Variants in FRMD6 observed in about 807,000 individuals in gnomAD.
FRMD6 encodes FERM domain-containing protein 6.
In FRMD6, 37 loss-of-function variants were observed where a neutral mutation model predicts 73.2. That is an observed-to-expected ratio of 0.51 (90% confidence interval 0.39 to 0.66). The LOEUF (loss-of-function observed/expected upper bound fraction) is 0.66. Among genes scored for constraint, FRMD6 ranks in the 30% least tolerant of loss-of-function variants. FRMD6 has a pLI of 0.00. For missense variants in FRMD6, 714 were observed against 780.5 expected, an observed-to-expected ratio of 0.91 and a Z score of 1.02; for synonymous variants, 273 against 282.2, an observed-to-expected ratio of 0.97 and a Z score of 0.33.
rs536112757 is a variant in FRMD6 at position 51,616,589 on chromosome 14, G to C, written c.-147+46179G>C. Among the ~76,000 whole-genome samples the C allele has an allele frequency of 2.0e-5, 3 of 152,270 alleles. No homozygotes were observed. In the East Asian group the frequency reaches 5.8e-4, roughly 29 times the overall value. ...CAGCAGTGTTATGCTGGTGAAGGAA[G>C]CTGGTTTTGGGGCTGATCCTAAGGT... On this transcript the variant is annotated intron_variant, in intron 2 of 14. Transcript: ENST00000356218.
At chr14:51,581,207 C>T (rs1888704344) in intron 2 of FRMD6, among the ~76,000 whole-genome samples, 1 of 152,148 alleles carries the variant, frequency 6.6e-6, no homozygotes, top group African/African-American at 2.4e-5. Flanking sequence ...ACTTCCCACA[C>T]TGTACAAATG....
the FRMD6 span, among the ~76,000 whole-genome samples, chr14:51,475,890 C>T: frequency 1.3e-5 from 2 of 152,030 alleles, no homozygotes; most frequent in Admixed American, 6.6e-5. Context: ...ACGTAATTGT[C>T]GATGGAATGG....
At chr14:51,449,204 C>T in the FRMD6 span, among the ~76,000 whole-genome samples, 1 of 152,110 alleles carries the variant, frequency 6.6e-6, no homozygotes, top group Non-Finnish European at 1.5e-5. Context: ...GAGGGAGTTT[C>T]CTGGAGTGTT....
intron 2 of FRMD6, among the ~76,000 whole-genome samples, chr14:51,595,222 T>C (rs555943843): frequency 6.6e-6 from 1 of 152,286 alleles, no homozygotes; most frequent in East Asian, 1.9e-4. Context: ...TAACTCTGAG[T>C]GCCTGGAATT....
chr14:51,595,903 A>G (rs1889688754), intron 2 of FRMD6, among the ~76,000 whole-genome samples: 3 of 152,294 alleles, frequency 2.0e-5, no homozygotes, highest in Admixed American at 1.3e-4. Flanking sequence ...AAGTTTCACA[A>G]TCTTGAATTT....
the FRMD6 span, among the ~76,000 whole-genome samples, chr14:51,466,941 C>T: frequency 6.6e-6 from 1 of 151,640 alleles, no homozygotes; most frequent in Non-Finnish European, 1.5e-5. Flanking sequence ...GTGTAAAAGT[C>T]TCAAAAATAT....
At chr14:51,554,828 C>T (rs571765832) in intron 1 of FRMD6, 2 of 152,212 alleles carry the variant, frequency 1.3e-5, no homozygotes, top group Non-Finnish European at 2.9e-5. Context: ...GAAATGGGAA[C>T]AAAAGTATGG....
At chr14:51,413,215 T>C in the FRMD6 span, among the ~76,000 whole-genome samples, 1 of 152,088 alleles carries the variant, frequency 6.6e-6, no homozygotes, top group Non-Finnish European at 1.5e-5. Context: ...AACGTGCAGG[T>C]TTGTTACATA....
intron 1 of FRMD6, among the ~76,000 whole-genome samples, chr14:51,669,914 G>A (rs1297539291): frequency 2.6e-5 from 4 of 151,274 alleles, no homozygotes; most frequent in Non-Finnish European, 5.9e-5. Context: ...ATCTTCCCCT[G>A]TAAGTTTTCT....
intron 12 of FRMD6, among the ~76,000 whole-genome samples, chr14:51,723,360 T>A (rs1897736449): frequency 6.6e-6 from 1 of 152,210 alleles, no homozygotes; most frequent in African/African-American, 2.4e-5. Flanking sequence ...CGTTTATATA[T>A]TTCTGCATTT....
the FRMD6 span, among the ~76,000 whole-genome samples, chr14:51,424,187 A>G: frequency 6.6e-6 from 1 of 152,222 alleles, no homozygotes; most frequent in Admixed American, 6.5e-5. Context: ...CTCGGGTGTG[A>G]AAGAACAATA....
intron 1 of FRMD6, among the ~76,000 whole-genome samples, chr14:51,553,228 G>A (rs1297531442): frequency 6.6e-6 from 1 of 152,228 alleles, no homozygotes; most frequent in African/African-American, 2.4e-5. Flanking sequence ...TCCCAGCCAA[G>A]TGATGGGAAA....
chr14:51,459,847 A>AG, the FRMD6 span, among the ~76,000 whole-genome samples: 1 of 134,782 alleles, frequency 7.4e-6, no homozygotes, highest in Non-Finnish European at 1.6e-5. Flanking sequence ...AAAAAAAAAA[A>AG]GCTGACGCAT....
intron 1 of FRMD6, among the ~76,000 whole-genome samples, chr14:51,548,290 A>G (rs1439496750): frequency 1.3e-5 from 2 of 152,238 alleles, no homozygotes; most frequent in African/African-American, 2.4e-5. Flanking sequence ...GAGTAATGTA[A>G]ACATATCTGG....
the FRMD6 span, among the ~76,000 whole-genome samples, chr14:51,454,276 G>C: frequency 6.6e-6 from 1 of 152,172 alleles, no homozygotes; most frequent in Non-Finnish European, 1.5e-5. Flanking sequence ...ACATAACTTT[G>C]CTCTGGCATA....
At chr14:51,634,721 A>G (rs1891480518) in intron 2 of FRMD6, among the ~76,000 whole-genome samples, 1 of 152,224 alleles carries the variant, frequency 6.6e-6, no homozygotes, top group Admixed American at 6.5e-5. Flanking sequence ...GAGGCAGCCT[A>G]GTTAGTATAA....
intron 1 of FRMD6, among the ~76,000 whole-genome samples, chr14:51,550,892 G>A (rs892238535): frequency 1.3e-5 from 2 of 152,034 alleles, no homozygotes; most frequent in African/African-American, 2.4e-5. Flanking sequence ...CACATAAAAC[G>A]TGCATAATGA....
chr14:51,565,355 G>A (rs1887716206), intron 1 of FRMD6: 1 of 152,272 alleles, frequency 6.6e-6, no homozygotes, highest in Non-Finnish European at 1.5e-5. Context: ...GGCAGCTGTA[G>A]TTGAGCTCTA....
At chr14:51,456,384 G>A in the FRMD6 span, among the ~76,000 whole-genome samples, 1 of 152,096 alleles carries the variant, frequency 6.6e-6, no homozygotes, top group African/African-American at 2.4e-5. Flanking sequence ...TCCCAATTAT[G>A]AGTGAGAACA....
Sources: gnomAD v4.1 joint callset for allele counts (sites outside exome capture counted in the v4.1 genomes callset) on GRCh38, gnomAD v4.1.1 for gene constraint, MANE v1.5 for transcripts, NCBI Gene and HGNC (gene_info 2026-07-23, HGNC 2026-07-21) for gene names.